The following NOTCH1 variants were observed in gnomAD, a reference collection of about 807,000 sequenced individuals.
NOTCH1 encodes the protein notch receptor 1.
NOTCH1 carries 37 observed loss-of-function variants against 254.8 expected under a neutral mutation model. That is an observed-to-expected ratio of 0.15 (90% CI 0.11 to 0.19). NOTCH1 has a LOEUF of 0.19. Among genes scored for constraint, NOTCH1 ranks in the 10% least tolerant of loss-of-function variants. The pLI is 1.00. For synonymous variants in NOTCH1, 1,731 were observed against 1,618.1 expected, an observed-to-expected ratio of 1.07 and a Z score of -1.68; for missense variants, 2,972 against 3,708.6, an observed-to-expected ratio of 0.80 and a Z score of 5.16.
Position 136,509,874 on chromosome 9 carries a change from T to C in NOTCH1, c.2828A>G (p.Glu943Gly), listed in dbSNP as rs1435335355. The change falls in exon 18 of 34, where the codon GAG (glutamate) becomes GGG (glycine). Residue 943 changes from glutamate to glycine, a missense_variant. Physicochemically the swap from Glu to Gly is moderately conservative, Grantham distance 98. Around this residue, in one of 8 missense-constraint regions of NOTCH1, gnomAD observed 1,343 missense variants for 1,557.0 expected, o/e 0.86. Coordinates refer to ENST00000651671, the MANE Select transcript of NOTCH1 (RefSeq NM_017617.5). The stretch of plus-strand genomic sequence containing the variant: ...ACTGGCACACTCGTTGATGTCCTCC[T>C]CACAGAAAGTGCCCCGGAAGCCGGG... ...CLPGFRGTFCEEDINECASDP... is the reference protein window; with the variant it reads ...CLPGFRGTFCGEDINECASDP... The C allele has an allele frequency of 6.2e-7, 1 of 1,613,172 alleles. No homozygotes were observed. The highest frequency in any genetic ancestry group is 2.2e-5 in the East Asian group (1 of 44,884).
chr9:136,520,959 C>T (rs1843358190), intron 4 of NOTCH1, among the ~76,000 whole-genome samples: 1 of 152,206 alleles, frequency 6.6e-6, no homozygotes, highest in Non-Finnish European at 1.5e-5. Context: ...CGGCCAGCGA[C>T]CCCACGAGGA....
At position 136,518,125 on chromosome 9, in the gene NOTCH1, G is replaced by C; in HGVS notation, c.1255+12C>G. The C allele has an allele frequency of 6.3e-7, 1 of 1,579,454 alleles. No homozygotes were observed. On this transcript the variant is annotated intron_variant, in intron 7 of 33. Coordinates refer to ENST00000651671, the MANE Select transcript of NOTCH1 (RefSeq NM_017617.5). The stretch of plus-strand genomic sequence containing the variant: ...ACCCCCACCTGGCCGCACCCCCTGT[G>C]CTGGCACCTACCCAGCGAGCACTCA...
At position 136,496,244 on chromosome 9, in the gene NOTCH1, T is replaced by G. The variant is rs1842911325; in HGVS notation, c.7495A>C (p.Ser2499Arg). Residue 2499 changes from serine to arginine, a missense_variant, in exon 34 of 34, where the codon AGC becomes CGC. Transcript: ENST00000651671. ...TGCTCAGGCACCTGTAGCTGGTGGC[T>G]GGGGGTGTTGTCCACAGGCGAGGAG... is the stretch of plus-strand genomic sequence containing the variant. ...SYSSPVDNTP[S>R]HQLQVPEHPF... 1 of 1,604,472 alleles carries G rather than the reference T, an allele frequency of 6.2e-7. No homozygotes were observed. The highest frequency in any genetic ancestry group is 1.3e-5 in the African/African-American group (1 of 74,770).
rs779987984 is a variant in NOTCH1 at position 136,506,849 on chromosome 9, C to A, written c.3768G>T (p.Pro1256=). 5 of 1,612,068 alleles carry A rather than the reference C, an allele frequency of 3.1e-6. No homozygotes were observed. The highest frequency in any genetic ancestry group is 4.2e-6 in the Non-Finnish European group (5 of 1,179,576). Residue 1256 remains proline (P), a synonymous_variant, in exon 23 of 34, where the codon CCG becomes CCT. Coordinates refer to ENST00000651671, the MANE Select transcript of NOTCH1 (RefSeq NM_017617.5). This position sits in a 1 kb window ranked among gnomAD's most constrained non-coding sequence, Gnocchi z 4.5. ...CACAGCGCTCACCCACGAAGCCCGG[C>A]GGGCAGGTGCAGCTGTAGCCGCCCA... ...DQVGGYSCTC[P]PGFVGERCEG... is the part of the protein sequence containing the mutation.
At chr9:136,498,598 C>T (rs565396467) in intron 33 of NOTCH1, among the ~76,000 whole-genome samples, 76 of 152,288 alleles carry the variant, frequency 5.0e-4, no homozygotes, top group Middle Eastern at 3.4e-3. Context: ...GCGTTCCCCA[C>T]GCCAGGCTGT....
rs61733293 is a variant in NOTCH1, at chr9:136,517,804, G to A, written c.1389C>T (p.Asn463=). 7.7e-4 allele frequency: 1,241 copies of A among 1,612,754 alleles called. 1 individual carries two copies. The highest frequency in any genetic ancestry group is 9.8e-4 in the Non-Finnish European group (1,151 of 1,179,942). ...CAATCTGGTCCAGGCAGGTGGCGTC[G>A]TTCTGGCACGGGTTCGAGACGCACT... The part of the protein sequence containing the change: ...VNECVSNPCQ[N]DATCLDQIGE... Residue 463 remains asparagine (N), a synonymous_variant, in exon 8 of 34, where the codon AAC becomes AAT. Coordinates refer to ENST00000651671, the MANE Select transcript of NOTCH1 (RefSeq NM_017617.5).
rs745590123 is a variant in NOTCH1 at position 136,523,768 on chromosome 9, C to A, written c.352G>T (p.Asp118Tyr). ...TTGTACTCCGTCAGCGTGAGCAGGT[C>A]GCAGGTGCCCCCGTTGCGGCAGGGG... is the stretch of plus-strand genomic sequence containing the variant. ...TNPCRNGGTC[D>Y]LLTLTEYKCR... The change falls in exon 3 of 34, where the codon GAC becomes TAC. Residue 118 changes from aspartate (D) to tyrosine (Y), a missense_variant. Around this residue, in one of 8 missense-constraint regions of NOTCH1, gnomAD observed 374 missense variants for 496.3 expected, o/e 0.75. Coordinates refer to ENST00000651671, the MANE Select transcript of NOTCH1 (RefSeq NM_017617.5). 4 of 1,611,430 alleles carry A rather than the reference C, an allele frequency of 2.5e-6. No individual in the cohort carries two copies.
rs1843222185 is a variant in NOTCH1, at chr9:136,513,889, C to T, written c.2208-352G>A. 6.6e-6 allele frequency among the ~76,000 whole-genome samples: 1 copy of T among 152,130 alleles called. No homozygotes were observed. The highest frequency in any genetic ancestry group is 1.9e-4 in the East Asian group (1 of 5,202). ...GGCTGAGGCAGGGGAATCACTTGAA[C>T]CTGAGGGGTGGAGGTTGCAGTGAGC... On this transcript the variant is annotated intron_variant, in intron 13 of 33. Coordinates refer to ENST00000651671, the MANE Select transcript of NOTCH1 (RefSeq NM_017617.5). This position sits in a 1 kb window ranked among gnomAD's most constrained non-coding sequence, Gnocchi z 4.7.
At chr9:136,497,625 C>T (rs1050798453) in intron 33 of NOTCH1, 67 bp from the exon 34 acceptor site, 6 of 1,405,616 alleles carry the variant, frequency 4.3e-6, no homozygotes, top group Non-Finnish European at 5.7e-6. Context: ...CCCAAGGTTC[C>T]ATCACCAGAG....
intron 2 of NOTCH1, among the ~76,000 whole-genome samples, chr9:136,534,027 G>A (rs1453295517): frequency 2.0e-5 from 3 of 152,240 alleles, no homozygotes; most frequent in Non-Finnish European, 2.9e-5. Flanking sequence ...GGGAGCCACC[G>A]CCTCTGTGCC....
rs956303892 is a variant in NOTCH1 at position 136,495,500 on chromosome 9, G to T, written c.*571C>A. ...TCCTATTTCAGATGCAAATTAATCC[G>T]CGTGCGGAAGGTGAGCCAGCTTTGC... is the stretch of plus-strand genomic sequence containing the variant. On this transcript the variant is annotated 3_prime_UTR_variant, in exon 34 of 34. Transcript: ENST00000651671. The T allele has an allele frequency of 5.0e-6, 2 of 399,398 alleles. No individual in the cohort carries two copies. The highest frequency in any genetic ancestry group is 8.8e-6 in the Non-Finnish European group (2 of 226,624). The allele number at this position is 399,398 out of a possible 1,614,324, so 24.7% of individuals were successfully genotyped here.
chr9:136,518,545 G>A (rs2133370385), intron 6 of NOTCH1, 46 bp downstream of exon 6: 1 of 1,542,434 alleles, frequency 6.5e-7, no homozygotes, highest in Non-Finnish European at 8.9e-7. Flanking sequence ...GCTCAGGCCT[G>A]GCCCATGTGA....
rs908210056 is a variant in NOTCH1, at chr9:136,544,241, T to A, written c.62-139A>T. 17 of 804,892 alleles carry A rather than the reference T, an allele frequency of 2.1e-5. No homozygotes were observed. In the African/African-American group the frequency reaches 2.7e-4, roughly 13 times the overall value. 49.9% of individuals were successfully genotyped at this position (804,892 alleles called of 1,614,324 possible). A position where few individuals can be genotyped will look rare whatever the true frequency, so the allele number is the denominator to read the frequency against. ...TACCCCGGACGCACTCTGCTCAGTA[T>A]CATGGGTTGCTGGGGCACGGGTCCG... On this transcript the variant is annotated intron_variant, in intron 1 of 33. Coordinates refer to ENST00000651671, the MANE Select transcript of NOTCH1 (RefSeq NM_017617.5).
chr9:136,502,061 G>A lies in NOTCH1; in HGVS notation c.5412C>T (p.Ala1804=), dbSNP rs2133330026. 1.9e-6 allele frequency: 3 copies of A among 1,613,340 alleles called. No individual in the cohort carries two copies. The highest frequency in any genetic ancestry group is 1.7e-5 in the Admixed American group (1 of 60,022). The change falls in exon 29 of 34, where the codon GCC becomes GCT. Residue 1804 remains alanine, a synonymous_variant. Transcript: ENST00000651671. ...ACTCATTCTGGTTGTCGTCCATGAG[G>A]GCACCGTCTGAAGCGTTCTTCAGGG... ...LKPLKNASDG[A]LMDDNQNEWG...
In NOTCH1 at chr9:136,505,734, T is replaced by G. The variant is rs2133340569; in HGVS notation, c.4162A>C (p.Ser1388Arg). The change falls in exon 25 of 34, where the codon AGC becomes CGC. Residue 1388 changes from serine (S) to arginine (R), a missense_variant. This residue lies in a region of NOTCH1 where 1,343 missense variants were observed against 1,557.0 expected (regional missense o/e 0.86). Coordinates refer to ENST00000651671, the MANE Select transcript of NOTCH1 (RefSeq NM_017617.5). ...GGGTTGCCGCCCAGGCAGGGGCTGC[T>G]GGCCGGGAACTGGCATTCGGGGCCC... Reference protein sequence around the residue: ...FTGPECQFPASSPCLGGNPCY... With the variant: ...FTGPECQFPARSPCLGGNPCY... The G allele has an allele frequency of 2.5e-6, 4 of 1,593,524 alleles. No homozygotes were observed. Among genetic ancestry groups the G allele is most frequent in the Non-Finnish European group, 3.4e-6 (4 of 1,167,902 alleles).
At chr9:136,511,331 G>A (rs2133355281) in intron 15 of NOTCH1, 60 bp from the exon 16 acceptor site, 2 of 1,544,842 alleles carry the variant, frequency 1.3e-6, no homozygotes, top group South Asian at 1.2e-5. Flanking sequence ...TCCCAAATCG[G>A]CCACCGCCTG....
In NOTCH1 at chr9:136,497,642, G is replaced by A. The variant is rs539097975; in HGVS notation, c.6181-84C>T. The A allele has an allele frequency of 9.5e-6, 12 of 1,267,620 alleles. No homozygotes were observed. In the African/African-American group the frequency reaches 1.5e-4, roughly 16 times the overall value. The allele number at this position is 1,267,620 out of a possible 1,614,324, so 78.5% of individuals were successfully genotyped here. On this transcript the variant is annotated intron_variant, in intron 33 of 33. Transcript: ENST00000651671. ...CAAGGTTCCATCACCAGAGGAAGCA[G>A]CAGTACAACCTCCTCCGCGGGGTGG...
In NOTCH1 at chr9:136,506,999, C is replaced by T. The variant is rs1843097987; in HGVS notation, c.3644-26G>A. 1.3e-6 allele frequency: 2 copies of T among 1,552,674 alleles called. No individual in the cohort carries two copies. Among genetic ancestry groups the T allele is most frequent in the Admixed American group, 1.9e-5 (1 of 51,526 alleles). On this transcript the variant is annotated intron_variant, in intron 22 of 33. Transcript: ENST00000651671. The surrounding 1 kb of genome is among the most constrained non-coding windows in gnomAD (Gnocchi z 4.5). Reference sequence around the variant, plus strand: ...CTGCGGGGCCAGGTTTCGTCAGTGGCCCAAGCCCGCCACACCCCGGCCCTG... The same window carrying T: ...CTGCGGGGCCAGGTTTCGTCAGTGGTCCAAGCCCGCCACACCCCGGCCCTG...
Position 136,523,103 on chromosome 9 carries a change from G to A in NOTCH1, c.489C>T (p.Ile163=), listed in dbSNP as rs1235516449. ...CATGGAAGCTGGGTGGGCAGTGGCA[G>A]ATGTAGGAGGCCTCGAAGGGCAGGC... is the stretch of plus-strand genomic sequence containing the variant. ...GQCLPFEASY[I]CHCPPSFHGP... Residue 163 remains isoleucine (I), a synonymous_variant, in exon 4 of 34, where the codon ATC becomes ATT. Coordinates refer to ENST00000651671, the MANE Select transcript of NOTCH1 (RefSeq NM_017617.5). The A allele has an allele frequency of 6.2e-7, 1 of 1,601,266 alleles. No individual in the cohort carries two copies. Among genetic ancestry groups the A allele is most frequent in the Admixed American group, 1.7e-5 (1 of 58,524 alleles).
Sources: allele counts gnomAD v4.1 joint callset (sites outside exome capture counted in the v4.1 genomes callset), GRCh38; gene constraint gnomAD v4.1.1; regional missense constraint gnomAD v4.1.1; non-coding constraint Gnocchi (gnomAD v3.1); transcripts MANE v1.5; gene names NCBI Gene and HGNC (gene_info 2026-07-23, HGNC 2026-07-21).